Variants in ABCA13 observed in about 807,000 individuals in gnomAD.
ABCA13 encodes the protein ATP binding cassette subfamily A member 13, also known as ATP-binding cassette sub-family A member 13.
A neutral mutation model predicts 478.7 loss-of-function variants in ABCA13; 476 were observed. The observed-to-expected ratio is 0.99, with a 90% CI of 0.92 to 1.07. The LOEUF is 1.07. Among genes scored for constraint, ABCA13 ranks in the 50% least tolerant of loss-of-function variants. The probability of loss-of-function intolerance (pLI) is 0.00; values close to 1 mark genes in which losing one functional copy is unlikely to be tolerated. For missense variants in ABCA13, 6,060 were observed against 5,910.6 expected (o/e 1.03, Z -0.83); for synonymous variants, 2,252 against 2,158.9 (o/e 1.04, Z -1.20).
intron 48 of ABCA13, among the ~76,000 whole-genome samples, chr7:48,490,901 T>C (rs1049178079): frequency 5.3e-5 from 8 of 152,156 alleles, no homozygotes; most frequent in African/African-American, 1.9e-4. Context: ...AGAAGACTGG[T>C]TGTAATTTAA....
chr7:48,524,588 A>G (rs560186048), intron 54 of ABCA13, 148 bp downstream of exon 54: 2 of 649,234 alleles, frequency 3.1e-6, no homozygotes, highest in Non-Finnish European at 5.0e-6. Flanking sequence ...CAGTAGGAGC[A>G]GAACCAAATA....
At chr7:48,308,873 T>C (rs559021535) in intron 23 of ABCA13, among the ~76,000 whole-genome samples, 2 of 150,482 alleles carry the variant, frequency 1.3e-5, no homozygotes, top group East Asian at 3.9e-4. Context: ...CTGTACAGGT[T>C]TGTAGTCTAG....
At chr7:48,464,497 A>T (rs1020212518) in intron 43 of ABCA13, among the ~76,000 whole-genome samples, 1 of 152,192 alleles carries the variant, frequency 6.6e-6, no homozygotes, top group African/African-American at 2.4e-5. Flanking sequence ...GTAAACATTT[A>T]TTTCTGGATT....
intron 3 of ABCA13, among the ~76,000 whole-genome samples, chr7:48,217,225 T>C (rs141739115): frequency 1.8e-3 from 275 of 152,338 alleles, no homozygotes; most frequent in Admixed American, 3.1e-3. Context: ...CTGGCTCAGA[T>C]GAATGGGAGC....
intron 42 of ABCA13, among the ~76,000 whole-genome samples, chr7:48,430,007 C>T (rs1006089857): frequency 6.6e-6 from 1 of 152,038 alleles, no homozygotes; most frequent in Non-Finnish European, 1.5e-5. Flanking sequence ...TCTTTTCTTG[C>T]AGTGTCTTTG....
At chr7:48,367,572 A>C (rs193197896) in intron 31 of ABCA13, among the ~76,000 whole-genome samples, 1 of 152,232 alleles carries the variant, frequency 6.6e-6, no homozygotes, top group Admixed American at 6.5e-5. Flanking sequence ...TCTCTGAGAG[A>C]TCTCGAACCA....
chr7:48,476,518 T>G (rs905485201), intron 45 of ABCA13, among the ~76,000 whole-genome samples: 1 of 150,776 alleles, frequency 6.6e-6, no homozygotes, highest in African/African-American at 2.4e-5. Flanking sequence ...GCAGGGGTGG[T>G]AGGTTGGGGG....
At chr7:48,296,521 G>A (rs537090887) in intron 21 of ABCA13, among the ~76,000 whole-genome samples, 57 of 150,494 alleles carry the variant, frequency 3.8e-4, no homozygotes, top group African/African-American at 1.1e-3. Flanking sequence ...GTGCAGTGGC[G>A]CGATCTCGGC....
At chr7:48,621,862 C>T (rs1793170316) in intron 59 of ABCA13, among the ~76,000 whole-genome samples, 1 of 152,104 alleles carries the variant, frequency 6.6e-6, no homozygotes, top group African/African-American at 2.4e-5. Context: ...GGTTTGGGAC[C>T]TCATCATGCT....
Position 48,245,941 on chromosome 7 carries a change from A to G in ABCA13, c.1570A>G (p.Ile524Val). ...EVFLPPGNSS[I>V]WGGLQGLLCY... ...CTTTTTGCCGCCTGGAAACTCCAGC[A>G]TATGGGGTGGTCTCCAGGGACTGTT... The change falls in exon 13 of 62, where the codon ATA (isoleucine) becomes GTA (valine). Residue 524 changes from isoleucine (I) to valine (V), a missense_variant. Ile to Val is a conservative substitution (Grantham distance 29). Coordinates refer to ENST00000435803, the MANE Select transcript of ABCA13 (RefSeq NM_152701.5). The G allele has an allele frequency of 6.2e-7, 1 of 1,613,872 alleles. No homozygotes were observed. The highest frequency in any genetic ancestry group is 1.3e-5 in the African/African-American group (1 of 75,022).
intron 18 of ABCA13, among the ~76,000 whole-genome samples, chr7:48,280,737 T>G (rs1299063877): frequency 6.6e-6 from 1 of 152,218 alleles, no homozygotes; most frequent in African/African-American, 2.4e-5. Flanking sequence ...AGATGTACCT[T>G]GAATCCAGTC....
intron 23 of ABCA13, among the ~76,000 whole-genome samples, chr7:48,307,871 A>G (rs1801149135): frequency 6.6e-6 from 1 of 152,002 alleles, no homozygotes; most frequent in African/African-American, 2.4e-5. Flanking sequence ...TTAAGTAGAG[A>G]CAGGGTTTCA....
chr7:48,333,073 C>A (rs1442788992), intron 27 of ABCA13, among the ~76,000 whole-genome samples: 1 of 152,176 alleles, frequency 6.6e-6, no homozygotes, highest in African/African-American at 2.4e-5. Context: ...TCTAATGACA[C>A]CAGTATCAAA....
chr7:48,606,606 C>T (rs1791491769), intron 58 of ABCA13, among the ~76,000 whole-genome samples: 1 of 152,192 alleles, frequency 6.6e-6, no homozygotes, highest in African/African-American at 2.4e-5. Context: ...AGAGGGTCAC[C>T]TACCAAATAC....
chr7:48,475,151 C>T (rs1012862998), intron 45 of ABCA13, among the ~76,000 whole-genome samples: 1 of 152,116 alleles, frequency 6.6e-6, no homozygotes, highest in Non-Finnish European at 1.5e-5. Context: ...CAGTGTGTTT[C>T]GGGATGCACT....
intron 35 of ABCA13, among the ~76,000 whole-genome samples, chr7:48,387,182 G>A (rs184315047): frequency 7.2e-4 from 109 of 151,894 alleles, no homozygotes; most frequent in African/African-American, 2.5e-3. Context: ...GGTAAGTTAC[G>A]TTCATCAAAC....
At chr7:48,496,802 C>G (rs1830315004) in intron 48 of ABCA13, among the ~76,000 whole-genome samples, 1 of 152,030 alleles carries the variant, frequency 6.6e-6, no homozygotes, top group African/African-American at 2.4e-5. Flanking sequence ...AAATCCATTA[C>G]TATTCTAGTT....
chr7:48,435,050 G>C (rs953309425), intron 42 of ABCA13, among the ~76,000 whole-genome samples: 8 of 151,904 alleles, frequency 5.3e-5, no homozygotes, highest in African/African-American at 1.9e-4. Flanking sequence ...AATGTCATTA[G>C]AAACTTTAGA....
At chr7:48,250,914 C>T (rs1010384682) in intron 15 of ABCA13, among the ~76,000 whole-genome samples, 6 of 152,130 alleles carry the variant, frequency 3.9e-5, no homozygotes, top group African/African-American at 9.7e-5. Flanking sequence ...GCATCTTGGA[C>T]GTCAGGGACT....
Sources: allele counts gnomAD v4.1 joint callset (sites outside exome capture counted in the v4.1 genomes callset), GRCh38; gene constraint gnomAD v4.1.1; transcripts MANE v1.5; gene names NCBI Gene and HGNC (gene_info 2026-07-23, HGNC 2026-07-21).